Variants in SLC25A48 observed in about 807,000 individuals in gnomAD.
SLC25A48 encodes solute carrier family 25 member 48.
Under a neutral mutation model 32.2 loss-of-function variants are expected in SLC25A48, and 29 were observed. The observed-to-expected ratio is 0.90, with a 90% CI of 0.67 to 1.23. SLC25A48 has a LOEUF of 1.23. Among genes scored for constraint, SLC25A48 ranks in the 50% most tolerant of loss-of-function variants. The pLI is 0.00. For missense variants in SLC25A48, 399 were observed against 422.7 expected, an observed-to-expected ratio of 0.94 and a Z score of 0.49; for synonymous variants, 164 against 172.3, an observed-to-expected ratio of 0.95 and a Z score of 0.38.
At position 135,888,072 on chromosome 5, in the gene SLC25A48, T is replaced by C. The variant is rs542503843; in HGVS notation, c.*48T>C. On this transcript the variant is annotated 3_prime_UTR_variant, in exon 8 of 8. Transcript: ENST00000681962. ...TGACTACAGTGTTCCCTGGGCCTCA[T>C]CTCTGCATGTGAAGCCCTGAGAGCT... 4.5e-6 allele frequency: 7 copies of C among 1,551,774 alleles called. No individual in the cohort carries two copies. The African/African-American group carries it at 8.2e-5, about 18-fold the overall frequency.
At chr5:135,821,311 G>T (rs1052748720) in intron 4 of SLC25A48, among the ~76,000 whole-genome samples, 1 of 152,194 alleles carries the variant, frequency 6.6e-6, no homozygotes, top group Non-Finnish European at 1.5e-5. Flanking sequence ...CACTTGTCTT[G>T]TGTCCTGCCA....
chr5:135,619,768 A>C (rs1752279183), intron 1 of SLC25A48, among the ~76,000 whole-genome samples: 1 of 151,418 alleles, frequency 6.6e-6, no homozygotes, highest in African/African-American at 2.4e-5. Context: ...AAACAGTGTC[A>C]GTGGTGTCTA....
At chr5:135,878,992 C>T (rs1762246627) in intron 6 of SLC25A48, among the ~76,000 whole-genome samples, 1 of 152,100 alleles carries the variant, frequency 6.6e-6, no homozygotes, top group South Asian at 2.1e-4. Flanking sequence ...GAGTTGGAAT[C>T]CCATCACATT....
chr5:135,607,274 T>G (rs1751961232), intron 1 of SLC25A48, among the ~76,000 whole-genome samples: 1 of 152,262 alleles, frequency 6.6e-6, no homozygotes, highest in Admixed American at 6.5e-5. Context: ...AAAGGTTGAA[T>G]TTAATGATGA....
Position 135,852,824 on chromosome 5 carries a change from A to T in SLC25A48, c.421+3A>T. 5 of 1,601,836 alleles carry T rather than the reference A, an allele frequency of 3.1e-6. No individual in the cohort carries two copies. The highest frequency in any genetic ancestry group is 4.3e-6 in the Non-Finnish European group (5 of 1,169,948). On this transcript the variant is annotated splice_donor_region_variant and intron_variant, in intron 4 of 7. Transcript: ENST00000681962. ...GCAGACACAACCGTTTCGGGACGGT[A>T]AGAGGCCAGGGGAGCGGAGGCTGGT...
intron 4 of SLC25A48, among the ~76,000 whole-genome samples, chr5:135,820,358 T>C (rs958568411): frequency 6.6e-6 from 1 of 152,186 alleles, no homozygotes; most frequent in Non-Finnish European, 1.5e-5. Flanking sequence ...AAAATGAATC[T>C]ATAGTATCAA....
At chr5:135,734,821 C>CAAAAAAA (rs1186711507) in intron 3 of SLC25A48, among the ~76,000 whole-genome samples, 1 of 116,708 alleles carries the variant, frequency 8.6e-6, no homozygotes, top group African/African-American at 3.2e-5. Context: ...CATCTCAAAA[C>CAAAAAAA]AAAAAAAAAA....
intron 3 of SLC25A48, among the ~76,000 whole-genome samples, chr5:135,650,749 C>T (rs1753092158): frequency 6.6e-6 from 1 of 152,052 alleles, no homozygotes; most frequent in Non-Finnish European, 1.5e-5. Flanking sequence ...ATCCAGTCCC[C>T]ATCTTTGGAT....
At chr5:135,648,170 T>A (rs1580752097) in intron 3 of SLC25A48, among the ~76,000 whole-genome samples, 1 of 152,120 alleles carries the variant, frequency 6.6e-6, no homozygotes, top group Non-Finnish European at 1.5e-5. Flanking sequence ...AGAGGGCAGG[T>A]CTTTGTCATT....
chr5:135,860,452 G>T (rs547563729), intron 4 of SLC25A48, among the ~76,000 whole-genome samples: 5 of 152,184 alleles, frequency 3.3e-5, no homozygotes, highest in Non-Finnish European at 7.3e-5. Context: ...GGCAAGCTGG[G>T]CCCACATCCT....
At chr5:135,860,534 A>T (rs1227480454) in intron 4 of SLC25A48, among the ~76,000 whole-genome samples, 1 of 152,134 alleles carries the variant, frequency 6.6e-6, no homozygotes, top group Non-Finnish European at 1.5e-5. Context: ...GGATCCTCCG[A>T]TTTTTAAGAG....
intron 3 of SLC25A48, among the ~76,000 whole-genome samples, chr5:135,767,692 G>T (rs897563830): frequency 6.6e-6 from 1 of 151,694 alleles, no homozygotes; most frequent in Non-Finnish European, 1.5e-5. Context: ...TTATTGCAGG[G>T]GGTGTACACC....
intron 1 of SLC25A48, among the ~76,000 whole-genome samples, chr5:135,625,351 G>T (rs531106148): frequency 1.3e-4 from 20 of 152,136 alleles, no homozygotes; most frequent in Non-Finnish European, 2.4e-4. Flanking sequence ...GCATGAAGTG[G>T]AGGAGTGGGG....
intron 1 of SLC25A48, among the ~76,000 whole-genome samples, chr5:135,628,473 A>G (rs1752487571): frequency 6.6e-6 from 1 of 152,110 alleles, no homozygotes; most frequent in Non-Finnish European, 1.5e-5. Context: ...GGAAAAGGTA[A>G]GTTGTTGGAG....
chr5:135,788,690 A>AGGG (rs906326603), intron 3 of SLC25A48, among the ~76,000 whole-genome samples: 1 of 81,056 alleles, frequency 1.2e-5, no homozygotes, highest in Non-Finnish European at 2.9e-5. Context: ...TCTAATATCC[A>AGGG]GGGGGGGAAG....
In SLC25A48 at chr5:135,774,604, G is replaced by T. The variant is rs75161977; in HGVS notation, c.-520-37919G>T. ...GGTTATACACCCCTCTTCTGATATT[G>T]TTCCTATTATCCAGAGGGAAAGATG... On this transcript the variant is annotated intron_variant, in intron 3 of 10. Transcript: ENST00000646290. Among the ~76,000 whole-genome samples, 345 of 151,818 alleles carry T rather than the reference G, an allele frequency of 2.3e-3. 4 individuals are homozygous for T. Among genetic ancestry groups the T allele is most frequent in the Middle Eastern group, 0.014 (4 of 294 alleles).
chr5:135,796,220 TA>T (rs1326397794), intron 3 of SLC25A48, among the ~76,000 whole-genome samples: 1 of 150,576 alleles, frequency 6.6e-6, no homozygotes, highest in African/African-American at 2.4e-5. Context: ...GAAGAGAAGG[TA>T]ATATTACTCT....
At chr5:135,704,510 C>T (rs1414249087) in intron 3 of SLC25A48, among the ~76,000 whole-genome samples, 1 of 152,220 alleles carries the variant, frequency 6.6e-6, no homozygotes, top group African/African-American at 2.4e-5. Flanking sequence ...ACTTCCAGAT[C>T]AGTGCTATTT....
intron 3 of SLC25A48, among the ~76,000 whole-genome samples, chr5:135,683,813 G>A (rs1222225630): frequency 6.6e-6 from 1 of 152,168 alleles, no homozygotes; most frequent in Non-Finnish European, 1.5e-5. Context: ...ACTCAGGAGT[G>A]GATGCCCTGC....
Sources: gnomAD v4.1 joint callset for allele counts (sites outside exome capture counted in the v4.1 genomes callset) on GRCh38, gnomAD v4.1.1 for gene constraint, MANE v1.5 for transcripts, NCBI Gene and HGNC (gene_info 2026-07-23, HGNC 2026-07-21) for gene names.